The following CMIP variants were observed in gnomAD, a reference collection of about 807,000 sequenced individuals.
CMIP encodes the protein C-Maf-inducing protein.
Under a neutral mutation model 97.3 loss-of-function variants are expected in CMIP, and 13 were observed. The observed-to-expected ratio is 0.13, with a 90% CI of 0.09 to 0.21. CMIP has a LOEUF of 0.21. Among genes scored for constraint, CMIP ranks in the 10% least tolerant of loss-of-function variants. CMIP has a pLI of 1.00. For missense variants in CMIP, 847 were observed against 1,024.9 expected, an observed-to-expected ratio of 0.83 and a Z score of 2.37; for synonymous variants, 538 against 436.3, an observed-to-expected ratio of 1.23 and a Z score of -2.91.
rs572006303 is a variant in CMIP, at chr16:81,512,637, T to G, written c.300+67096T>G. On this transcript the variant is annotated intron_variant, in intron 1 of 20. Transcript: ENST00000537098. Reference sequence around the variant, plus strand: ...CTGATTTTGTAGCATCTTCCAAAGGTTTTTTTTTAAATATCAACATGAATT... The same window carrying G: ...CTGATTTTGTAGCATCTTCCAAAGGGTTTTTTTTAAATATCAACATGAATT... Among the ~76,000 whole-genome samples the G allele has an allele frequency of 3.1e-4, 46 of 147,852 alleles. No homozygotes were observed. In the East Asian group the frequency reaches 7.4e-3, roughly 24 times the overall value.
chr16:81,686,400 C>A (rs1198268064), intron 10 of CMIP, among the ~76,000 whole-genome samples: 1 of 152,212 alleles, frequency 6.6e-6, no homozygotes, highest in Non-Finnish European at 1.5e-5. Flanking sequence ...GCACCTGGGC[C>A]TTCCGCACTC....
intron 3 of CMIP, among the ~76,000 whole-genome samples, chr16:81,634,940 G>T (rs775214153): frequency 2.0e-5 from 3 of 152,140 alleles, no homozygotes; most frequent in Admixed American, 2.0e-4. Context: ...GCCTGGCAAG[G>T]GAAATCCTTA....
At chr16:81,509,749 A>G (rs996324889) in intron 1 of CMIP, among the ~76,000 whole-genome samples, 5 of 152,222 alleles carry the variant, frequency 3.3e-5, no homozygotes, top group Admixed American at 2.6e-4. Flanking sequence ...CTTGAGGCCT[A>G]CCTGCCCCAG....
chr16:81,531,440 C>G (rs982379107), intron 1 of CMIP, among the ~76,000 whole-genome samples: 1 of 152,336 alleles, frequency 6.6e-6, no homozygotes, highest in Middle Eastern at 3.4e-3. Context: ...GGTTTATGGT[C>G]TGTTGTTCAG....
At chr16:81,468,899 G>A (rs1197599547) in intron 1 of CMIP, among the ~76,000 whole-genome samples, 1 of 152,252 alleles carries the variant, frequency 6.6e-6, no homozygotes, top group Admixed American at 6.5e-5. Context: ...GGGGGCTGGT[G>A]GAATTGTGGA....
At chr16:81,689,854 GT>G (rs2151076737) in intron 10 of CMIP, among the ~76,000 whole-genome samples, 1 of 152,306 alleles carries the variant, frequency 6.6e-6, no homozygotes, top group Non-Finnish European at 1.5e-5. Flanking sequence ...AAGGGATCCA[GT>G]TTCAGCTTTC....
chr16:81,607,493 A>G, intron 1 of CMIP, 74 bp from the exon 2 acceptor site: 1 of 1,574,024 alleles, frequency 6.4e-7, no homozygotes, highest in Non-Finnish European at 8.6e-7. Flanking sequence ...TGTTTCCAAA[A>G]CCGTCTGAGA....
intron 6 of CMIP, among the ~76,000 whole-genome samples, chr16:81,662,244 G>C (rs1014736366): frequency 6.6e-6 from 1 of 152,156 alleles, no homozygotes; most frequent in Non-Finnish European, 1.5e-5. Context: ...ATTTCACCCA[G>C]ATCTCATGAT....
In CMIP at chr16:81,660,889, C is replaced by T. The variant is rs780410274; in HGVS notation, c.687C>T (p.Ile229=). 1.2e-5 allele frequency: 19 copies of T among 1,613,836 alleles called. No homozygotes were observed. The highest frequency in any genetic ancestry group is 1.5e-5 in the Non-Finnish European group (18 of 1,179,890). Residue 229 remains isoleucine (I), a synonymous_variant, in exon 6 of 21, where the codon ATC becomes ATT. Coordinates refer to ENST00000537098, the MANE Select transcript of CMIP (RefSeq NM_198390.3). ...TQEHENIIVA[I]APLLENNHPP... ...GCTTGTTTGTTGTGTTTCAGGCAAT[C>T]GCTCCTTTGCTGGAAAACAACCACC...
At chr16:81,689,092 A>G (rs1378649787) in intron 10 of CMIP, among the ~76,000 whole-genome samples, 1 of 152,132 alleles carries the variant, frequency 6.6e-6, no homozygotes, top group Non-Finnish European at 1.5e-5. Context: ...AGTCTTTGCT[A>G]TTGTGAATAG....
intron 1 of CMIP, among the ~76,000 whole-genome samples, chr16:81,500,331 G>GCCTGCC (rs2089581315): frequency 3.4e-5 from 1 of 29,750 alleles, no homozygotes; most frequent in Admixed American, 4.4e-4. Context: ...GCCTCCCTCT[G>GCCTGCC]TCCCTCCCTC....
At chr16:81,481,767 G>C (rs1427880445) in intron 1 of CMIP, among the ~76,000 whole-genome samples, 10 of 152,060 alleles carry the variant, frequency 6.6e-5, no homozygotes, top group Non-Finnish European at 1.3e-4. Context: ...GGAAGGGTCT[G>C]TTGCCTTTTC....
At chr16:81,673,131 C>G (rs2092698051) in intron 9 of CMIP, among the ~76,000 whole-genome samples, 1 of 152,072 alleles carries the variant, frequency 6.6e-6, no homozygotes, top group African/African-American at 2.4e-5. Flanking sequence ...AACTCCAAGA[C>G]CAGGATTTGG....
At chr16:81,498,267 A>G (rs2089529801) in intron 1 of CMIP, among the ~76,000 whole-genome samples, 1 of 152,218 alleles carries the variant, frequency 6.6e-6, no homozygotes, top group Non-Finnish European at 1.5e-5. Flanking sequence ...TGACCTGAGG[A>G]TGGTGCTTGT....
intron 1 of CMIP, among the ~76,000 whole-genome samples, chr16:81,479,411 G>A (rs142161585): frequency 2.4e-4 from 37 of 152,146 alleles, no homozygotes; most frequent in African/African-American, 8.0e-4. Context: ...CATTGAGTAC[G>A]TTCACATTGT....
At chr16:81,448,781 G>A (rs1906025926) in intron 1 of CMIP, among the ~76,000 whole-genome samples, 1 of 152,254 alleles carries the variant, frequency 6.6e-6, no homozygotes, top group Non-Finnish European at 1.5e-5. Context: ...GGGGAGATAG[G>A]GAGGCCAGGG....
At position 81,652,562 on chromosome 16, in the gene CMIP, G is replaced by A. The variant is rs925481093; in HGVS notation, c.639+198G>A. On this transcript the variant is annotated intron_variant, in intron 4 of 20. Coordinates refer to ENST00000537098, the MANE Select transcript of CMIP (RefSeq NM_198390.3). The surrounding 1 kb of genome is among the most constrained non-coding windows in gnomAD (Gnocchi z 5.2). ...AGGCTTGCCCCAGCTGCTTGCAGCTGTGCTGTCTGGGGATTGTAGGCACCG... is the reference window on the plus strand; with the variant it reads ...AGGCTTGCCCCAGCTGCTTGCAGCTATGCTGTCTGGGGATTGTAGGCACCG... 4.6e-5 allele frequency among the ~76,000 whole-genome samples: 7 copies of A among 152,176 alleles called. No individual in the cohort carries two copies. The highest frequency in any genetic ancestry group is 1.7e-4 in the African/African-American group (7 of 41,442).
In CMIP at chr16:81,621,551, CCAGGGCG is replaced by C. The variant is rs2150961571; in HGVS notation, c.477+626_477+632del. On this transcript the variant is annotated intron_variant, in intron 3 of 20. Coordinates refer to ENST00000537098, the MANE Select transcript of CMIP (RefSeq NM_198390.3). The surrounding 1 kb of genome is among the most constrained non-coding windows in gnomAD (Gnocchi z 4.1). Reference sequence around the variant, plus strand: ...GGCGATGGAAACCTTGACGTCAGGACCAGGGCGTGAAGCACGTACAGTCAGCTTCTCA... The same window carrying C: ...GGCGATGGAAACCTTGACGTCAGGACTGAAGCACGTACAGTCAGCTTCTCA... 1.3e-5 allele frequency: 2 copies of C among 153,332 alleles called. No homozygotes were observed. Among genetic ancestry groups the C allele is most frequent in the Non-Finnish European group, 2.9e-5 (2 of 68,468 alleles). 9.5% of individuals were successfully genotyped at this position (153,332 alleles called of 1,614,324 possible).
chr16:81,606,285 T>G (rs1233872065), intron 1 of CMIP, among the ~76,000 whole-genome samples: 5 of 152,204 alleles, frequency 3.3e-5, no homozygotes, highest in Non-Finnish European at 7.3e-5. Flanking sequence ...TGGGATGACC[T>G]TGATACCTGT....
Sources: gnomAD v4.1 joint callset for allele counts (sites outside exome capture counted in the v4.1 genomes callset) on GRCh38, gnomAD v4.1.1 for gene constraint, Gnocchi (gnomAD v3.1) non-coding constraint, MANE v1.5 for transcripts, NCBI Gene and HGNC (gene_info 2026-07-23, HGNC 2026-07-21) for gene names.